The following PRLR variants were observed in gnomAD, a reference collection of about 807,000 sequenced individuals.
PRLR encodes hPRL receptor.
In PRLR, 13 loss-of-function variants were observed where a neutral mutation model predicts 40.2. The ratio of observed to expected loss-of-function variants is 0.32; its 90% CI spans 0.21 to 0.51. The LOEUF (loss-of-function observed/expected upper bound fraction) is 0.51. PRLR is among the 20% of genes least tolerant of loss of function. PRLR has a pLI of 0.97. For synonymous variants in PRLR, 269 were observed against 278.7 expected (o/e 0.97, Z 0.35); for missense variants, 656 against 747.3 (o/e 0.88, Z 1.42).
At chr5:35,067,684 C>G (rs1033714478) in intron 9 of PRLR, among the ~76,000 whole-genome samples, 12 of 152,198 alleles carry the variant, frequency 7.9e-5, no homozygotes, top group African/African-American at 2.9e-4. Context: ...TCAAAACACT[C>G]ATTATTTAAT....
intron 1 of PRLR, among the ~76,000 whole-genome samples, chr5:35,228,680 G>A (rs1776614291): frequency 6.6e-6 from 1 of 152,194 alleles, no homozygotes; most frequent in African/African-American, 2.4e-5. Context: ...AAAGGGTTGT[G>A]AGGAGGGGTC....
intron 1 of PRLR, among the ~76,000 whole-genome samples, chr5:35,166,618 C>T (rs558194741): frequency 6.6e-6 from 1 of 152,148 alleles, no homozygotes; most frequent in East Asian, 1.9e-4. Flanking sequence ...AATCAGCATT[C>T]AATATTCTCC....
chr5:35,099,696 G>A (rs987239696), intron 2 of PRLR, among the ~76,000 whole-genome samples: 2 of 152,106 alleles, frequency 1.3e-5, no homozygotes, highest in Non-Finnish European at 2.9e-5. Flanking sequence ...CAATAGGGAC[G>A]ATCCAGACAC....
intron 2 of PRLR, among the ~76,000 whole-genome samples, chr5:35,104,789 G>A: frequency 7.0e-6 from 1 of 142,020 alleles, no homozygotes; most frequent in Non-Finnish European, 1.5e-5. Context: ...CTCCACCACT[G>A]GGGGCAGGGC....
In PRLR at chr5:35,065,695, G is replaced by A. The variant is rs1769321814; in HGVS notation, c.1263C>T (p.Pro421=). ...SKCSTWPLPQ[P]SQHNPRSSYH... The stretch of plus-strand genomic sequence containing the variant: ...AAGAGGATCTGGGGTTGTGCTGGCT[G>A]GGCTGTGGTAAGGGCCATGTTGAAC... The change falls in exon 10 of 10, where the codon CCC becomes CCT. Residue 421 remains proline, a synonymous_variant. Coordinates refer to ENST00000618457, the MANE Select transcript of PRLR (RefSeq NM_000949.7). 6.2e-7 allele frequency: 1 copy of A among 1,614,048 alleles called. No individual in the cohort carries two copies. The highest frequency in any genetic ancestry group is 1.3e-5 in the African/African-American group (1 of 74,912).
chr5:35,173,412 C>T (rs1010220357), intron 1 of PRLR, among the ~76,000 whole-genome samples: 4 of 152,170 alleles, frequency 2.6e-5, no homozygotes, highest in Non-Finnish European at 2.9e-5. Context: ...ATCTTGTTCC[C>T]TGGGGAGTGA....
chr5:35,214,423 C>T (rs978430822), intron 1 of PRLR, among the ~76,000 whole-genome samples: 1 of 152,152 alleles, frequency 6.6e-6, no homozygotes, highest in Admixed American at 6.5e-5. Context: ...TCGAACCATC[C>T]AAATACAAAG....
intron 2 of PRLR, among the ~76,000 whole-genome samples, chr5:35,110,017 C>A (rs1401770189): frequency 6.6e-6 from 1 of 152,176 alleles, no homozygotes; most frequent in African/African-American, 2.4e-5. Flanking sequence ...CACATATACA[C>A]CATGGAATAC....
intron 5 of PRLR, among the ~76,000 whole-genome samples, chr5:35,082,493 C>A (rs1360314897): frequency 6.6e-6 from 1 of 151,388 alleles, no homozygotes; most frequent in African/African-American, 2.5e-5. Context: ...GATCTCTGGG[C>A]TTTATGCACC....
At chr5:35,186,618 G>A (rs1384748641) in intron 1 of PRLR, among the ~76,000 whole-genome samples, 1 of 152,154 alleles carries the variant, frequency 6.6e-6, no homozygotes, top group African/African-American at 2.4e-5. Context: ...TGGTGCACCT[G>A]GCCCTTTAAC....
At chr5:35,118,321 TAAA>T (rs35030984) in intron 1 of PRLR, among the ~76,000 whole-genome samples, 199 bp from the exon 2 acceptor site, 3 of 139,570 alleles carry the variant, frequency 2.1e-5, no homozygotes, top group Admixed American at 7.3e-5. Flanking sequence ...TATAAAATAG[TAAA>T]AAAAAAAAAA....
chr5:35,144,932 GA>G (rs1272020311), intron 1 of PRLR, among the ~76,000 whole-genome samples: 1 of 152,064 alleles, frequency 6.6e-6, no homozygotes, highest in Non-Finnish European at 1.5e-5. Flanking sequence ...AGAGTTCTGG[GA>G]ATAAAAAAGA....
At chr5:35,207,228 C>T (rs944833480) in intron 1 of PRLR, among the ~76,000 whole-genome samples, 1 of 151,950 alleles carries the variant, frequency 6.6e-6, no homozygotes, top group Admixed American at 6.5e-5. Flanking sequence ...GGAAGGAGAA[C>T]AATTATCATT....
chr5:35,208,288 AT>A (rs2111631686), intron 1 of PRLR, among the ~76,000 whole-genome samples: 1 of 152,132 alleles, frequency 6.6e-6, no homozygotes, highest in East Asian at 1.9e-4. Context: ...CTCTAAATTC[AT>A]GTTGCCATTT....
intron 3 of PRLR, among the ~76,000 whole-genome samples, chr5:35,088,463 T>C (rs1004836154): frequency 1.3e-5 from 2 of 152,158 alleles, no homozygotes; most frequent in African/African-American, 2.4e-5. Flanking sequence ...AGGGTGATCA[T>C]TGATTTCTTG....
intron 2 of PRLR, among the ~76,000 whole-genome samples, chr5:35,104,825 C>A (rs1185729765): frequency 6.6e-6 from 1 of 152,198 alleles, no homozygotes; most frequent in Non-Finnish European, 1.5e-5. Context: ...GCAGCAGAAA[C>A]TTCTGCAGAC....
At chr5:35,198,082 T>C (rs1352934510) in intron 1 of PRLR, among the ~76,000 whole-genome samples, 1 of 152,194 alleles carries the variant, frequency 6.6e-6, no homozygotes, top group African/African-American at 2.4e-5. Context: ...TCCCTCAGAT[T>C]CCCCAGCGAC....
chr5:35,108,334 C>T (rs1390835252), intron 2 of PRLR, among the ~76,000 whole-genome samples: 1 of 152,180 alleles, frequency 6.6e-6, no homozygotes, highest in African/African-American at 2.4e-5. Flanking sequence ...TGCCCTCTCT[C>T]ACCACTCCTA....
intron 1 of PRLR, among the ~76,000 whole-genome samples, chr5:35,213,660 C>T (rs540016307): frequency 6.6e-6 from 1 of 152,320 alleles, no homozygotes; most frequent in African/African-American, 2.4e-5. Flanking sequence ...TAACAAGCAT[C>T]TAAACCTCAC....
Sources: gnomAD v4.1 joint callset for allele counts (sites outside exome capture counted in the v4.1 genomes callset) on GRCh38, gnomAD v4.1.1 for gene constraint, MANE v1.5 for transcripts, NCBI Gene and HGNC (gene_info 2026-07-23, HGNC 2026-07-21) for gene names.